Variants in THOP1 observed in about 807,000 individuals in gnomAD.
The protein encoded by THOP1 is thimet oligopeptidase 1, also known as thimet oligopeptidase.
THOP1 carries 49 observed loss-of-function variants against 71.8 expected under a neutral mutation model. The ratio of observed to expected loss-of-function variants is 0.68; its 90% CI spans 0.54 to 0.87. The LOEUF is 0.87. Ranked by LOEUF, THOP1 falls within the 40% of genes least tolerant of loss-of-function variation. THOP1 has a pLI of 0.00. For synonymous variants in THOP1, 426 were observed against 421.5 expected (o/e 1.01, Z -0.13); for missense variants, 843 against 975.6 (o/e 0.86, Z 1.81).
Position 2,811,699 on chromosome 19 carries a change from A to C in THOP1, c.1873A>C (p.Thr625Pro), listed in dbSNP as rs1193992870. The C allele has an allele frequency of 6.2e-7, 1 of 1,613,084 alleles. No homozygotes were observed. Among genetic ancestry groups the C allele is most frequent in the African/African-American group, 1.3e-5 (1 of 74,856 alleles). ...SEVYSMDMFH[T>P]RFKQEGVLNS... ...GGTGTATTCCATGGACATGTTCCAC[A>C]CGCGCTTCAAGCAGGAGGGTGTCCT... Residue 625 changes from threonine to proline, a missense_variant, in exon 12 of 13, where the codon ACG (threonine) becomes CCG (proline). Physicochemically the swap from Thr to Pro is conservative, Grantham distance 38. Transcript: ENST00000307741.
Position 2,805,064 on chromosome 19 carries a change from G to C in THOP1, c.638G>C (p.Gly213Ala). 6.2e-7 allele frequency: 1 copy of C among 1,612,794 alleles called. No homozygotes were observed. Among genetic ancestry groups the C allele is most frequent in the Non-Finnish European group, 8.5e-7 (1 of 1,179,730 alleles). Reference protein sequence around the residue: ...FLNSLEKMEDGKLKVTLKYPH... With the variant: ...FLNSLEKMEDAKLKVTLKYPH... ...AACTCCCTGGAGAAGATGGAGGACGGCAAGTTGAAGGTCACCCTCAAGTAC... is the reference window on the plus strand; with the variant it reads ...AACTCCCTGGAGAAGATGGAGGACGCCAAGTTGAAGGTCACCCTCAAGTAC... Residue 213 changes from glycine (G) to alanine (A), a missense_variant, in exon 6 of 13, where the codon GGC becomes GCC. Transcript: ENST00000307741. This position sits in a 1 kb window ranked among gnomAD's most constrained non-coding sequence, Gnocchi z 6.6.
In THOP1 at chr19:2,804,383, C is replaced by T. The variant is rs1472495936; in HGVS notation, c.590-633C>T. On this transcript the variant is annotated intron_variant, in intron 5 of 12. Transcript: ENST00000307741. The surrounding 1 kb of genome is among the most constrained non-coding windows in gnomAD (Gnocchi z 4.7). The stretch of plus-strand genomic sequence containing the variant: ...GAAGCTCTGGGAGTAGGAATTGGGT[C>T]TCTCTGGAGGGACACACTTGAAAGT... 1.3e-5 allele frequency among the ~76,000 whole-genome samples: 2 copies of T among 152,152 alleles called. No individual in the cohort carries two copies. Among genetic ancestry groups the T allele is most frequent in the African/African-American group, 4.8e-5 (2 of 41,438 alleles).
At chr19:2,807,347 G>T in intron 7 of THOP1, 95 bp from the exon 8 acceptor site, 1 of 1,455,378 alleles carries the variant, frequency 6.9e-7, no homozygotes, top group Non-Finnish European at 9.0e-7. Flanking sequence ...CCTTCCAAAT[G>T]GGGAGCCTGA....
chr19:2,785,817 G>C (rs968992499), intron 1 of THOP1, 139 bp downstream of exon 1: 1 of 725,608 alleles, frequency 1.4e-6, no homozygotes, highest in Admixed American at 4.3e-5. Flanking sequence ...GGGGGAGGTG[G>C]ACGACCCTGC....
chr19:2,813,472 C>T lies in THOP1; in HGVS notation c.*196C>T. The T allele has an allele frequency of 3.1e-6, 2 of 647,950 alleles. No individual in the cohort carries two copies. Among genetic ancestry groups the T allele is most frequent in the East Asian group, 2.8e-5 (1 of 35,456 alleles). The allele number at this position is 647,950 out of a possible 1,614,324, so 40.1% of individuals were successfully genotyped here. A position where few individuals can be genotyped will look rare whatever the true frequency, so the allele number is the denominator to read the frequency against. On this transcript the variant is annotated 3_prime_UTR_variant, in exon 13 of 13. Transcript: ENST00000307741. The stretch of plus-strand genomic sequence containing the variant: ...GCTAGAGACGGCGTCCTCAAGGCAT[C>T]TGGAGGGCTTTCGTGGCTGCCAGGG...
rs540474976 is a variant in THOP1, at chr19:2,807,512, G to A, written c.957G>A (p.Ala319=). The part of the protein sequence containing the change: ...ERAVILELKR[A]ECERRGLPFD... ...CGGTGATTCTGGAGCTGAAGCGTGCGGAGTGCGAGCGCCGGGGCCTGCCCT... is the reference window on the plus strand; with the variant it reads ...CGGTGATTCTGGAGCTGAAGCGTGCAGAGTGCGAGCGCCGGGGCCTGCCCT... The change falls in exon 8 of 13, where the codon GCG becomes GCA. Residue 319 remains alanine, a synonymous_variant. Transcript: ENST00000307741. 3.4e-5 allele frequency: 54 copies of A among 1,611,844 alleles called. No individual in the cohort carries two copies. The highest frequency in any genetic ancestry group is 6.6e-5 in the South Asian group (6 of 91,032).
At chr19:2,812,030 G>A in intron 12 of THOP1, 1 of 1,047,830 alleles carries the variant, frequency 9.5e-7, no homozygotes, top group Non-Finnish European at 1.3e-6. Flanking sequence ...CCTGCAGGAA[G>A]CTCCACACTG....
chr19:2,810,022 A>G (rs1245479325), intron 9 of THOP1: 2 of 488,920 alleles, frequency 4.1e-6, no homozygotes, highest in Non-Finnish European at 7.3e-6. Flanking sequence ...CGGAGCTTTC[A>G]GGGAGCAGCA....
At chr19:2,810,098 GGT>G in intron 9 of THOP1, 1 of 622,682 alleles carries the variant, frequency 1.6e-6, no homozygotes, top group Non-Finnish European at 2.8e-6. Flanking sequence ...GGCATCTTCA[GGT>G]GTGTCCTGCT....
At chr19:2,792,730 T>G (rs965374176) in intron 2 of THOP1, among the ~76,000 whole-genome samples, 3 of 152,016 alleles carry the variant, frequency 2.0e-5, no homozygotes, top group Non-Finnish European at 2.9e-5. Flanking sequence ...CATGGCTCAC[T>G]GCAGCCTCAA....
At chr19:2,789,632 C>G (rs1171830813) in intron 1 of THOP1, among the ~76,000 whole-genome samples, 3 of 152,218 alleles carry the variant, frequency 2.0e-5, no homozygotes, top group Non-Finnish European at 2.9e-5. Context: ...CCTCACCTTT[C>G]CCCTCTGGCA....
chr19:2,796,020 A>C (rs1255682631), intron 3 of THOP1, 61 bp from the exon 4 acceptor site: 1 of 1,390,294 alleles, frequency 7.2e-7, no homozygotes, highest in East Asian at 2.3e-5. Flanking sequence ...AAACTGCCAA[A>C]CTGCTCTTTG....
intron 12 of THOP1, chr19:2,812,328 G>A (rs892792728): frequency 3.1e-5 from 48 of 1,534,780 alleles, no homozygotes; most frequent in East Asian, 4.9e-5. Context: ...TTTGAGGGCC[G>A]GCCCTGCCCT....
chr19:2,793,684 C>A (rs115297728), intron 2 of THOP1, among the ~76,000 whole-genome samples: 1 of 152,026 alleles, frequency 6.6e-6, no homozygotes, highest in African/African-American at 2.4e-5. Context: ...AGTGACACTT[C>A]GTCTCAAAAA....
chr19:2,796,348 G>A (rs576682223), intron 4 of THOP1, among the ~76,000 whole-genome samples, 160 bp downstream of exon 4: 4 of 147,980 alleles, frequency 2.7e-5, no homozygotes, highest in African/African-American at 1.0e-4. Flanking sequence ...AGTGCTTGGG[G>A]CATCAGGAGT....
At chr19:2,809,710 T>C (rs1038355699) in intron 9 of THOP1, 2 of 154,306 alleles carry the variant, frequency 1.3e-5, no homozygotes, top group African/African-American at 4.8e-5. Flanking sequence ...AGGCCTGCTT[T>C]GCATGCTGCT....
At position 2,813,281 on chromosome 19, in the gene THOP1, T is replaced by C. The variant is rs371522161; in HGVS notation, c.*5T>C. On this transcript the variant is annotated 3_prime_UTR_variant, in exon 13 of 13. Transcript: ENST00000307741. ...CCCGAGCCGCAGGTCTGCTGAGGCC[T>C]GGCACTGCGACTGCCCAGTCTGGCC... The C allele has an allele frequency of 2.1e-5, 33 of 1,605,654 alleles. No individual in the cohort carries two copies. Among genetic ancestry groups the C allele is most frequent in the Non-Finnish European group, 2.6e-5 (31 of 1,177,320 alleles).
chr19:2,811,746 CTG>C lies in THOP1; in HGVS notation c.1908+13_1908+14del, dbSNP rs772879090. On this transcript the variant is annotated intron_variant, in intron 12 of 12. Coordinates refer to ENST00000307741, the MANE Select transcript of THOP1 (RefSeq NM_003249.5). The stretch of plus-strand genomic sequence containing the variant: ...TCCTGAACAGCAAGGTACGCGGGGA[CTG>C]GGGACAGGGAGGGCGTCCTGAACGG... The C allele has an allele frequency of 1.0e-5, 16 of 1,571,748 alleles. No individual in the cohort carries two copies. The East Asian group carries it at 3.6e-4, about 35-fold the overall frequency.
Position 2,804,196 on chromosome 19 carries a change from G to A in THOP1, c.590-820G>A, listed in dbSNP as rs570794928. Among the ~76,000 whole-genome samples the A allele has an allele frequency of 1.3e-5, 2 of 152,314 alleles. No homozygotes were observed. Among genetic ancestry groups the A allele is most frequent in the African/African-American group, 2.4e-5 (1 of 41,574 alleles). On this transcript the variant is annotated intron_variant, in intron 5 of 12. Coordinates refer to ENST00000307741, the MANE Select transcript of THOP1 (RefSeq NM_003249.5). The surrounding 1 kb of genome is among the most constrained non-coding windows in gnomAD (Gnocchi z 4.7). ...GCCCTGGCGTCTCCCGAGCCATGAG[G>A]TAGGAACCCCAGAGGGTTTCAGTCC...
Sources: allele counts gnomAD v4.1 joint callset (sites outside exome capture counted in the v4.1 genomes callset), GRCh38; gene constraint gnomAD v4.1.1; non-coding constraint Gnocchi (gnomAD v3.1); transcripts MANE v1.5; gene names NCBI Gene and HGNC (gene_info 2026-07-23, HGNC 2026-07-21).